NUDCD3: variants seen among roughly 807,000 people sequenced by gnomAD.
NUDCD3 encodes nudC domain-containing protein 3.
Under a neutral mutation model 39.7 loss-of-function variants are expected in NUDCD3, and 13 were observed. The observed-to-expected ratio is 0.33, with a 90% CI of 0.21 to 0.52. The LOEUF (loss-of-function observed/expected upper bound fraction) is 0.52, where lower values mean the gene tolerates loss of function less well. NUDCD3 is among the 20% of genes least tolerant of loss of function. The pLI is 0.96. For synonymous variants in NUDCD3, 175 were observed against 172.4 expected, an observed-to-expected ratio of 1.02 and a Z score of -0.12; for missense variants, 453 against 458.1, an observed-to-expected ratio of 0.99 and a Z score of 0.10.
chr7:44,454,700 G>A (rs1472977313), intron 2 of NUDCD3, among the ~76,000 whole-genome samples: 2 of 152,180 alleles, frequency 1.3e-5, no homozygotes, highest in African/African-American at 2.4e-5. Context: ...GCCAAGGCGG[G>A]AGGATCACTT....
intron 2 of NUDCD3, among the ~76,000 whole-genome samples, chr7:44,452,563 C>T (rs746633376): frequency 6.6e-6 from 1 of 152,146 alleles, no homozygotes; most frequent in Non-Finnish European, 1.5e-5. Flanking sequence ...CCCAGGAAGC[C>T]GACAAAGCAC....
rs1169289705 is a variant in NUDCD3, at chr7:44,379,266, A to G, written c.*6745T>C. The stretch of plus-strand genomic sequence containing the variant: ...CCAGAGGTTTGAGTCCAGTCTGGGC[A>G]ACACAGGAAAAACTCTGTCTCAAAA... On this transcript the variant is annotated 3_prime_UTR_variant, in exon 6 of 6. Transcript: ENST00000355451. 6.6e-6 allele frequency: 1 copy of G among 151,956 alleles called. No homozygotes were observed. Among genetic ancestry groups the G allele is most frequent in the Non-Finnish European group, 1.5e-5 (1 of 68,006 alleles). The allele number at this position is 151,956 out of a possible 1,614,324, so 9.4% of individuals were successfully genotyped here. A position where few individuals can be genotyped will look rare whatever the true frequency, so the allele number is the denominator to read the frequency against.
intron 2 of NUDCD3, among the ~76,000 whole-genome samples, chr7:44,482,575 C>G (rs993364889): frequency 6.6e-6 from 1 of 152,032 alleles, no homozygotes. Flanking sequence ...TCAATCAATA[C>G]AAATAAAAAA....
intron 3 of NUDCD3, among the ~76,000 whole-genome samples, chr7:44,408,430 C>T (rs1209016444): frequency 6.6e-6 from 1 of 152,038 alleles, no homozygotes; most frequent in African/African-American, 2.4e-5. Flanking sequence ...CTAGACAATA[C>T]TCAGTATTAA....
intron 2 of NUDCD3, chr7:44,481,331 T>C (rs1466069543): frequency 2.0e-5 from 3 of 152,206 alleles, no homozygotes; most frequent in African/African-American, 4.8e-5. Flanking sequence ...GAAATCCACA[T>C]AGCAGGCCAA....
chr7:44,388,004 C>T (rs1798430593), intron 5 of NUDCD3, among the ~76,000 whole-genome samples: 1 of 152,084 alleles, frequency 6.6e-6, no homozygotes, highest in Admixed American at 6.5e-5. Flanking sequence ...GGGAATCCTG[C>T]TCATAAAAAA....
rs997692038 is a variant in NUDCD3 at position 44,380,858 on chromosome 7, AAC to A, written c.*5151_*5152del. On this transcript the variant is annotated 3_prime_UTR_variant, in exon 6 of 6. Transcript: ENST00000355451. Reference sequence around the variant, plus strand: ...CCTCCAAACCCCACAGTGCCCCAACAACACTTCCTGTCCTCTGGTAGACCCTT... The same window carrying A: ...CCTCCAAACCCCACAGTGCCCCAACAACTTCCTGTCCTCTGGTAGACCCTT... 3.9e-5 allele frequency: 6 copies of A among 152,348 alleles called. No individual in the cohort carries two copies. Among genetic ancestry groups the A allele is most frequent in the African/African-American group, 1.2e-4 (5 of 41,446 alleles). 9.4% of individuals were successfully genotyped at this position (152,348 alleles called of 1,614,324 possible).
chr7:44,420,164 T>C (rs1005726136), intron 3 of NUDCD3, among the ~76,000 whole-genome samples: 17 of 152,034 alleles, frequency 1.1e-4, no homozygotes, highest in African/African-American at 3.9e-4. Context: ...AATGACCTGA[T>C]GGAGCTGAAA....
chr7:44,443,466 A>G (rs535145400), intron 2 of NUDCD3, among the ~76,000 whole-genome samples: 1 of 151,624 alleles, frequency 6.6e-6, no homozygotes, highest in Admixed American at 6.6e-5. Flanking sequence ...GCTGGAGTGC[A>G]GTGGCGCCAT....
chr7:44,439,210 G>A (rs535325041), intron 2 of NUDCD3, among the ~76,000 whole-genome samples: 2 of 152,292 alleles, frequency 1.3e-5, no homozygotes, highest in Admixed American at 1.3e-4. Context: ...ACAGAAGTGA[G>A]GACACAGGAT....
intron 2 of NUDCD3, among the ~76,000 whole-genome samples, chr7:44,428,051 G>A (rs894525774): frequency 2.7e-5 from 4 of 150,518 alleles, no homozygotes; most frequent in Non-Finnish European, 5.9e-5. Context: ...TTAACCAGAG[G>A]GCTCTTATTA....
intron 3 of NUDCD3, among the ~76,000 whole-genome samples, chr7:44,420,572 A>T (rs1799118563): frequency 1.3e-5 from 2 of 152,234 alleles, no homozygotes; most frequent in South Asian, 4.1e-4. Context: ...GTTGAAACGA[A>T]GGAAAAAATG....
chr7:44,427,439 G>T, intron 3 of NUDCD3, 132 bp downstream of exon 3: 1 of 963,660 alleles, frequency 1.0e-6, no homozygotes, highest in Non-Finnish European at 1.5e-6. Context: ...CATTCCGAGG[G>T]CAGGAGAAGG....
chr7:44,475,262 C>A (rs1800342682), intron 2 of NUDCD3, among the ~76,000 whole-genome samples: 1 of 152,030 alleles, frequency 6.6e-6, no homozygotes, highest in East Asian at 1.9e-4. Flanking sequence ...CAGGCATGCA[C>A]CACCACACTC....
intron 2 of NUDCD3, among the ~76,000 whole-genome samples, chr7:44,442,006 C>T (rs1799594165): frequency 6.6e-6 from 1 of 152,152 alleles, no homozygotes; most frequent in South Asian, 2.1e-4. Flanking sequence ...TTCATATCTC[C>T]ATTTTCACAT....
intron 1 of NUDCD3, chr7:44,485,603 A>T (rs1800593776): frequency 4.3e-6 from 1 of 232,324 alleles, no homozygotes; most frequent in African/African-American, 2.2e-5. Flanking sequence ...CAATGCAAAG[A>T]ATACACGGTC....
intron 5 of NUDCD3, among the ~76,000 whole-genome samples, chr7:44,390,844 C>T (rs1798500977): frequency 6.6e-6 from 1 of 152,182 alleles, no homozygotes; most frequent in South Asian, 2.1e-4. Context: ...GAGCCATAAC[C>T]AGGCAGGTCT....
At chr7:44,455,349 G>A (rs1268666205) in intron 2 of NUDCD3, among the ~76,000 whole-genome samples, 2 of 152,070 alleles carry the variant, frequency 1.3e-5, no homozygotes, top group Non-Finnish European at 2.9e-5. Context: ...ACACTCATCT[G>A]TCACCATGTC....
chr7:44,413,575 A>G (rs985979166), intron 3 of NUDCD3, among the ~76,000 whole-genome samples: 13 of 152,240 alleles, frequency 8.5e-5, no homozygotes, highest in African/African-American at 2.7e-4. Context: ...TCACTCTAAG[A>G]GAAATACAAA....
Sources: gnomAD v4.1 joint callset for allele counts (sites outside exome capture counted in the v4.1 genomes callset) on GRCh38, gnomAD v4.1.1 for gene constraint, MANE v1.5 for transcripts, NCBI Gene and HGNC (gene_info 2026-07-23, HGNC 2026-07-21) for gene names.